Variants in ZNF878 observed in about 807,000 individuals in gnomAD.
ZNF878 encodes zinc finger protein 878.
ZNF878 carries 10 observed loss-of-function variants against 11.1 expected under a neutral mutation model. The ratio of observed to expected loss-of-function variants is 0.90; its 90% CI spans 0.56 to 1.53. ZNF878 has a LOEUF of 1.53. Among genes scored for constraint, ZNF878 ranks in the 40% most tolerant of loss-of-function variants. The pLI is 0.00. For synonymous variants in ZNF878, 165 were observed against 209.7 expected, an observed-to-expected ratio of 0.79 and a Z score of 1.84; for missense variants, 548 against 626.1, an observed-to-expected ratio of 0.88 and a Z score of 1.33.
chr19:12,048,845 A>G (rs941190073), intron 1 of ZNF878, among the ~76,000 whole-genome samples: 6 of 148,446 alleles, frequency 4.0e-5, no homozygotes, highest in African/African-American at 1.6e-4. Flanking sequence ...AAAAAAAAAA[A>G]AAGAAAAGAA....
chr19:12,052,558 A>C (rs1975561653), intron 1 of ZNF878, among the ~76,000 whole-genome samples: 1 of 152,136 alleles, frequency 6.6e-6, no homozygotes, highest in African/African-American at 2.4e-5. Flanking sequence ...AGCTGCTCAG[A>C]GAGGGAGCCG....
chr19:12,052,004 A>C (rs528937595), intron 1 of ZNF878, among the ~76,000 whole-genome samples: 1 of 152,314 alleles, frequency 6.6e-6, no homozygotes, highest in East Asian at 1.9e-4. Flanking sequence ...CCTCCTTCCT[A>C]CAGCCTCCAA....
At chr19:12,045,505 G>A (rs1021205561) in intron 3 of ZNF878, among the ~76,000 whole-genome samples, 7 of 151,848 alleles carry the variant, frequency 4.6e-5, no homozygotes, top group South Asian at 2.1e-4. Context: ...AAAATTAGCC[G>A]GGCGTGGTGG....
chr19:12,046,831 AG>A (rs1975496869), intron 1 of ZNF878, 71 bp from the exon 2 acceptor site: 1 of 1,590,974 alleles, frequency 6.3e-7, no homozygotes, highest in Non-Finnish European at 8.6e-7. Flanking sequence ...CCCTATTCCT[AG>A]GAAGTTCTCA....
intron 1 of ZNF878, among the ~76,000 whole-genome samples, chr19:12,051,467 GAC>G (rs946690624): frequency 3.3e-5 from 5 of 150,014 alleles, no homozygotes; most frequent in African/African-American, 1.2e-4. Flanking sequence ...TTTTTTTTGA[GAC>G]AGTCTCATTC....
At chr19:12,049,459 T>TAAAAAAA (rs1975529363) in intron 1 of ZNF878, among the ~76,000 whole-genome samples, 1 of 182 alleles carries the variant, frequency 5.5e-3, no homozygotes, top group Admixed American at 0.071. Flanking sequence ...AGACTCCCTC[T>TAAAAAAA]CAAAAAAAAA....
intron 1 of ZNF878, among the ~76,000 whole-genome samples, 172 bp downstream of exon 1, chr19:12,052,627 C>T (rs1019596601): frequency 6.6e-6 from 1 of 152,176 alleles, no homozygotes; most frequent in Non-Finnish European, 1.5e-5. Context: ...TCCCGGCTGC[C>T]GGCCCAGCTC....
intron 1 of ZNF878, among the ~76,000 whole-genome samples, chr19:12,052,413 A>G (rs919135244): frequency 6.6e-6 from 1 of 152,178 alleles, no homozygotes; most frequent in African/African-American, 2.4e-5. Context: ...TTAATTTTTA[A>G]CTGGAAAAAA....
rs372846707 is a variant in ZNF878 at position 12,043,816 on chromosome 19, G to A, written c.1585C>T (p.His529Tyr). The change falls in exon 4 of 4, where the codon CAC becomes TAC. Residue 529 changes from histidine to tyrosine, a missense_variant. His to Tyr is a moderately conservative substitution (Grantham distance 83, BLOSUM62 2). Around this residue, in one of 3 missense-constraint regions of ZNF878, gnomAD observed 335 missense variants for 358.2 expected, o/e 0.94. Coordinates refer to ENST00000547628, the MANE Select transcript of ZNF878 (RefSeq NM_001080404.3). The stretch of plus-strand genomic sequence containing the variant: ...CATCCATAGAGTTTCTAGCCAGCGT[G>A]AGTCCTTACATGCTTTTGAAGGATT... ...ASILQKHVRT[H>Y]AG The A allele has an allele frequency of 7.5e-6, 12 of 1,600,452 alleles. No individual in the cohort carries two copies. Among genetic ancestry groups the A allele is most frequent in the Non-Finnish European group, 1.0e-5 (12 of 1,175,174 alleles).
chr19:12,051,095 C>CAAAA (rs370628123), intron 1 of ZNF878, among the ~76,000 whole-genome samples: 5 of 37,144 alleles, frequency 1.3e-4, no homozygotes, highest in Admixed American at 2.6e-4. Context: ...GACTCCGTCT[C>CAAAA]AAAAAAAAAA....
rs1975461342 is a variant in ZNF878, at chr19:12,045,219, A to G, written c.192-10T>C. ...CTCCCCTATAAGTCTTCTGTGAACAATGAAAGCACATTATAATGGGTTTAT... is the reference window on the plus strand; with the variant it reads ...CTCCCCTATAAGTCTTCTGTGAACAGTGAAAGCACATTATAATGGGTTTAT... On this transcript the variant is annotated splice_polypyrimidine_tract_variant and intron_variant, in intron 3 of 3. Transcript: ENST00000547628. The G allele has an allele frequency of 1.3e-6, 2 of 1,573,384 alleles. No homozygotes were observed. Among genetic ancestry groups the G allele is most frequent in the Non-Finnish European group, 1.7e-6 (2 of 1,160,404 alleles).
intron 1 of ZNF878, among the ~76,000 whole-genome samples, 175 bp downstream of exon 1, chr19:12,052,624 T>G (rs1183621370): frequency 6.6e-6 from 1 of 152,128 alleles, no homozygotes; most frequent in African/African-American, 2.4e-5. Flanking sequence ...GGGTCCCGGC[T>G]GCCGGCCCAG....
At chr19:12,045,729 T>C (rs1368459629) in intron 3 of ZNF878, among the ~76,000 whole-genome samples, 2 of 152,026 alleles carry the variant, frequency 1.3e-5, no homozygotes, top group Non-Finnish European at 2.9e-5. Flanking sequence ...GCTTTATTTA[T>C]TTATTTATTT....
At chr19:12,050,209 A>T (rs1166288619) in intron 1 of ZNF878, among the ~76,000 whole-genome samples, 1 of 152,176 alleles carries the variant, frequency 6.6e-6, no homozygotes, top group East Asian at 1.9e-4. Flanking sequence ...TGGGCGACAG[A>T]AAGAGACTCC....
intron 1 of ZNF878, among the ~76,000 whole-genome samples, chr19:12,051,349 G>T (rs1767625092): frequency 6.6e-6 from 1 of 152,000 alleles, no homozygotes; most frequent in Non-Finnish European, 1.5e-5. Flanking sequence ...TAATTTAGTT[G>T]TACTAATTAG....
chr19:12,049,460 CAAAAA>C (rs59577895), intron 1 of ZNF878, among the ~76,000 whole-genome samples: 13 of 36,034 alleles, frequency 3.6e-4, no homozygotes, highest in East Asian at 2.3e-3. Context: ...GACTCCCTCT[CAAAAA>C]AAAAAAAAAA....
intron 1 of ZNF878, among the ~76,000 whole-genome samples, chr19:12,049,448 G>A (rs8106275): frequency 0.23 from 9,516 of 41,748 alleles, 924 homozygotes; most frequent in African/African-American, 0.45. Flanking sequence ...GCGACAGAGC[G>A]AGACTCCCTC....
intron 1 of ZNF878, among the ~76,000 whole-genome samples, chr19:12,048,625 G>A (rs1170696874): frequency 6.6e-6 from 1 of 151,848 alleles, no homozygotes. Flanking sequence ...CCTGAGCTCA[G>A]GAGTTCGAGA....
chr19:12,052,952 C>T lies in ZNF878; in HGVS notation c.-151G>A, dbSNP rs1304945598. The T allele has an allele frequency of 3.7e-6, 5 of 1,343,194 alleles. No homozygotes were observed. Among genetic ancestry groups the T allele is most frequent in the African/African-American group, 1.5e-5 (1 of 68,774 alleles). The allele number at this position is 1,343,194 out of a possible 1,614,324, so 83.2% of individuals were successfully genotyped here. A position where few individuals can be genotyped will look rare whatever the true frequency, so the allele number is the denominator to read the frequency against. ...CCCAGACCTTAACTAGCGCGAGCAG[C>T]CCTAGGAGTGAAGAGAGCGGGAATG... On this transcript the variant is annotated 5_prime_UTR_variant, in exon 1 of 4. Coordinates refer to ENST00000547628, the MANE Select transcript of ZNF878 (RefSeq NM_001080404.3).
Sources: allele counts gnomAD v4.1 joint callset (sites outside exome capture counted in the v4.1 genomes callset), GRCh38; gene constraint gnomAD v4.1.1; regional missense constraint gnomAD v4.1.1; transcripts MANE v1.5; gene names NCBI Gene and HGNC (gene_info 2026-07-23, HGNC 2026-07-21).